TEX11: variants seen among roughly 807,000 people sequenced by gnomAD.
TEX11 encodes the protein testis expressed 11, also known as testis-expressed protein 11.
TEX11 carries 7 observed loss-of-function variants against 84.4 expected under a neutral mutation model. That is an observed-to-expected ratio of 0.08 (90% CI 0.05 to 0.16). The LOEUF is 0.16. Among genes scored for constraint, TEX11 ranks in the 10% least tolerant of loss-of-function variants. The probability of loss-of-function intolerance (pLI) is 1.00; values close to 1 mark genes in which losing one functional copy is unlikely to be tolerated. For missense variants in TEX11, 551 were observed against 660.5 expected (o/e 0.83, Z 1.82); for synonymous variants, 264 against 222.8 (o/e 1.18, Z -1.64).
intron 17 of TEX11, among the ~76,000 whole-genome samples, chrX:70,641,725 A>G (rs1383418371): frequency 9.0e-6 from 1 of 110,729 alleles, no homozygotes; most frequent in African/African-American, 3.3e-5. Flanking sequence ...ACCAACGAGA[A>G]CAAAGACACA....
chrX:70,807,974 G>T (rs1325786938), intron 8 of TEX11, among the ~76,000 whole-genome samples: 1 of 107,102 alleles, frequency 9.3e-6, no homozygotes, highest in Admixed American at 1.0e-4. Flanking sequence ...CGTGGTGGCA[G>T]GTGCCTGTAA....
At chrX:70,713,270 T>C (rs2090458337) in intron 13 of TEX11, among the ~76,000 whole-genome samples, 1 of 111,930 alleles carries the variant, frequency 8.9e-6, no homozygotes, top group African/African-American at 3.2e-5. Flanking sequence ...GTTGTGCCTC[T>C]ACCAGGCTTT....
At chrX:70,812,317 C>T (rs1366946727) in intron 8 of TEX11, among the ~76,000 whole-genome samples, 1 of 110,483 alleles carries the variant, frequency 9.1e-6, no homozygotes, top group Non-Finnish European at 1.9e-5. Context: ...CATCATTCTC[C>T]TGCCTCAGCC....
chrX:70,610,911 A>C (rs2147529968), intron 20 of TEX11, among the ~76,000 whole-genome samples: 1 of 112,453 alleles, frequency 8.9e-6, no homozygotes, highest in African/African-American at 3.2e-5. Context: ...GTTGTATAAA[A>C]GTCTAATATA....
chrX:70,700,669 T>C (rs906660193), intron 13 of TEX11, among the ~76,000 whole-genome samples: 2 of 111,805 alleles, frequency 1.8e-5, no homozygotes, highest in East Asian at 5.6e-4. Context: ...ATATCTCTCA[T>C]TTTAAATCAA....
chrX:70,860,885 G>T lies in TEX11; in HGVS notation c.296C>A (p.Ser99Ter). 1 of 1,190,678 alleles carries T rather than the reference G, an allele frequency of 8.4e-7. No homozygotes were observed. The highest frequency in any genetic ancestry group is 1.1e-6 in the Non-Finnish European group (1 of 886,579). Reference protein sequence around the residue: ...LLSMCEASFASEQSIQRLIMM... With the variant: ...LLSMCEASFA ...AATCAGTCGTTGAATACTTTGTTCT[G>T]AGGCAAATGAGGCTTCACACATACT... The change falls in exon 5 of 30, where the codon TCA becomes TAA. Residue 99 changes from serine to a stop codon, truncating the protein, a stop_gained. Transcript: ENST00000374333. LOFTEE classifies it high-confidence loss of function.
At chrX:70,809,693 G>A (rs1006776841) in intron 8 of TEX11, among the ~76,000 whole-genome samples, 6 of 110,626 alleles carry the variant, frequency 5.4e-5, no homozygotes, top group African/African-American at 2.0e-4. Context: ...TTGGTTTTTC[G>A]GGGTTAGTTT....
chrX:70,570,377 G>A (rs746047702), intron 25 of TEX11, among the ~76,000 whole-genome samples: 21 of 112,048 alleles, frequency 1.9e-4, no homozygotes, highest in South Asian at 7.4e-4. Context: ...GCAATGCCTC[G>A]CCCTGCTTCA....
intron 11 of TEX11, among the ~76,000 whole-genome samples, chrX:70,729,379 C>T (rs1222583511): frequency 1.8e-5 from 2 of 111,139 alleles, no homozygotes; most frequent in Non-Finnish European, 3.8e-5. Flanking sequence ...GGAGGAAGTT[C>T]GAACCCACGG....
At position 70,724,076 on chromosome X, in the gene TEX11, A is replaced by G. The variant is rs771836051; in HGVS notation, c.925+1186T>C. 29 of 751,501 alleles carry G rather than the reference A, an allele frequency of 3.9e-5. No homozygotes were observed. The South Asian group carries it at 1.9e-3, about 49-fold the overall frequency. 61.9% of individuals were successfully genotyped at this position (751,501 alleles called of 1,213,427 possible). Reference sequence around the variant, plus strand: ...ATTTTAAACTCTGCTTCTTACCTACATTTGGATAAACACTGTCATAAGGAA... The same window carrying G: ...ATTTTAAACTCTGCTTCTTACCTACGTTTGGATAAACACTGTCATAAGGAA... On this transcript the variant is annotated intron_variant, in intron 12 of 29. Coordinates refer to ENST00000374333, the MANE Select transcript of TEX11 (RefSeq NM_031276.3).
At chrX:70,808,143 A>AAAAAAAAAAG (rs2091231150) in intron 8 of TEX11, among the ~76,000 whole-genome samples, 1 of 92,222 alleles carries the variant, frequency 1.1e-5, no homozygotes, top group African/African-American at 4.1e-5. Context: ...AAAAAAAAAA[A>AAAAAAAAAAG]GAATGAATGA....
intron 13 of TEX11, among the ~76,000 whole-genome samples, chrX:70,702,644 T>C (rs2090335820): frequency 9.0e-6 from 1 of 111,197 alleles, no homozygotes; most frequent in Admixed American, 9.7e-5. Context: ...AACTGTCTTA[T>C]CACCACAAAG....
At chrX:70,900,653 T>C (rs1045734731) in intron 2 of TEX11, among the ~76,000 whole-genome samples, 2 of 109,389 alleles carry the variant, frequency 1.8e-5, no homozygotes, top group Admixed American at 2.0e-4. Flanking sequence ...AAAATATATA[T>C]ATATAAAAGA....
At chrX:70,724,160 C>T in intron 12 of TEX11, 1 of 752,487 alleles carries the variant, frequency 1.3e-6, no homozygotes. Context: ...TCTGGTCTTC[C>T]TATGTTGTCT....
At chrX:70,682,937 G>T in intron 13 of TEX11, 112 bp from the exon 14 acceptor site, 1 of 649,247 alleles carries the variant, frequency 1.5e-6, no homozygotes, top group South Asian at 3.3e-5. Flanking sequence ...AAGCATATCT[G>T]AACTCAGGTA....
intron 18 of TEX11, among the ~76,000 whole-genome samples, chrX:70,629,163 C>A (rs1192110283): frequency 2.7e-5 from 3 of 111,709 alleles, no homozygotes; most frequent in Non-Finnish European, 5.7e-5. Context: ...ATTAATAAAA[C>A]CAGAATTCTG....
intron 2 of TEX11, among the ~76,000 whole-genome samples, chrX:70,902,499 G>C (rs1285210870): frequency 1.8e-5 from 2 of 111,413 alleles, no homozygotes; most frequent in Non-Finnish European, 3.8e-5. Context: ...TTAGCTTACT[G>C]TAACTTTTTT....
intron 8 of TEX11, among the ~76,000 whole-genome samples, chrX:70,828,767 C>A (rs1275842042): frequency 9.0e-6 from 1 of 110,835 alleles, no homozygotes; most frequent in African/African-American, 3.3e-5. Flanking sequence ...GCAGATTTAA[C>A]CCAAAGAAGA....
At chrX:70,539,324 G>T (rs1279001167) in intron 28 of TEX11, among the ~76,000 whole-genome samples, 3 of 109,504 alleles carry the variant, frequency 2.7e-5, no homozygotes, top group Non-Finnish European at 5.7e-5. Context: ...ATGAGCCACC[G>T]TGCCCGGCCG....
Sources: gnomAD v4.1 joint callset for allele counts (sites outside exome capture counted in the v4.1 genomes callset) on GRCh38, gnomAD v4.1.1 for gene constraint, MANE v1.5 for transcripts, NCBI Gene and HGNC (gene_info 2026-07-23, HGNC 2026-07-21) for gene names.